Variants in ERCC5 observed in about 807,000 individuals in gnomAD.
ERCC5 encodes the protein DNA excision repair protein ERCC-5.
ERCC5 carries 68 observed loss-of-function variants against 105.6 expected under a neutral mutation model. That is an observed-to-expected ratio of 0.64 (90% CI 0.53 to 0.79). The LOEUF is 0.79. Among genes scored for constraint, ERCC5 ranks in the 30% least tolerant of loss-of-function variants. ERCC5 has a pLI of 0.00. For synonymous variants in ERCC5, 546 were observed against 526.2 expected, an observed-to-expected ratio of 1.04 and a Z score of -0.51; for missense variants, 1,373 against 1,426.7, an observed-to-expected ratio of 0.96 and a Z score of 0.61.
rs1405709684 is a variant in ERCC5, at chr13:102,846,136, G to A, written c.-131G>A. The A allele has an allele frequency of 4.2e-6, 3 of 712,468 alleles. No homozygotes were observed. Among genetic ancestry groups the A allele is most frequent in the African/African-American group, 1.8e-5 (1 of 56,324 alleles). The allele number at this position is 712,468 out of a possible 1,614,324, so 44.1% of individuals were successfully genotyped here. ...CCCCCACTGGAAAACCGTGGCTTCTGTATTATTTGCCATCTTTGTTGTGTA... is the reference window on the plus strand; with the variant it reads ...CCCCCACTGGAAAACCGTGGCTTCTATATTATTTGCCATCTTTGTTGTGTA... On this transcript the variant is annotated 5_prime_UTR_variant, in exon 1 of 15. Coordinates refer to ENST00000652225, the MANE Select transcript of ERCC5 (RefSeq NM_000123.4).
intron 14 of ERCC5, chr13:102,874,600 C>T (rs1015612013): frequency 1.3e-5 from 2 of 152,290 alleles, no homozygotes; most frequent in Admixed American, 6.5e-5. Context: ...CGGCTCACTG[C>T]AAGCTCCGCC....
chr13:102,859,775 G>A (rs974372263), intron 6 of ERCC5, among the ~76,000 whole-genome samples: 1 of 152,176 alleles, frequency 6.6e-6, no homozygotes, highest in African/African-American at 2.4e-5. Flanking sequence ...TCGTGCAAAT[G>A]TAATATTGAT....
In ERCC5 at chr13:102,861,701, C is replaced by T; in HGVS notation, c.867C>T (p.Tyr289=). The T allele has an allele frequency of 6.2e-7, 1 of 1,614,112 alleles. No homozygotes were observed. ...TGGTCTCTGAAGACACTTCACATTA[C>T]ATCTTGATAAAAGGTATCAGGCACC... ...RRVVSEDTSH[Y]ILIKGIQAKT... The change falls in exon 7 of 15, where the codon TAC becomes TAT. Residue 289 remains tyrosine (Y), a synonymous_variant. Coordinates refer to ENST00000652225, the MANE Select transcript of ERCC5 (RefSeq NM_000123.4).
chr13:102,853,728 G>A (rs1327864697), intron 2 of ERCC5, 29 bp from the exon 3 acceptor site: 1 of 1,604,154 alleles, frequency 6.2e-7, no homozygotes, highest in Non-Finnish European at 8.5e-7. Context: ...ATATCCTGAA[G>A]TGAGATCTTA....
chr13:102,855,962 C>A, intron 4 of ERCC5, 90 bp from the exon 5 acceptor site: 1 of 1,295,078 alleles, frequency 7.7e-7, no homozygotes, highest in Non-Finnish European at 1.1e-6. Context: ...ACCACTGTAG[C>A]CCGTATAACG....
At chr13:102,863,839 G>A (rs1282833438) in intron 8 of ERCC5, among the ~76,000 whole-genome samples, 1 of 152,112 alleles carries the variant, frequency 6.6e-6, no homozygotes, top group Non-Finnish European at 1.5e-5. Context: ...AGGCCAGTTG[G>A]ACCAGATTTG....
At chr13:102,846,411 G>T (rs1881963241) in intron 1 of ERCC5, 57 bp downstream of exon 1, 1 of 1,472,872 alleles carries the variant, frequency 6.8e-7, no homozygotes, top group Admixed American at 1.7e-5. Flanking sequence ...TGGATTCCTC[G>T]CGGGGCTCTG....
In ERCC5 at chr13:102,858,308, A is replaced by G; in HGVS notation, c.562A>G (p.Ile188Val). ...CTTTCATAATCCTCAAGCGATAGAT[A>G]TTGAGTCTGAGGACTTCAGCAGCCT... ...EFFHNPQAID[I>V]ESEDFSSLPP... The change falls in exon 6 of 15, where the codon ATT becomes GTT. Residue 188 changes from isoleucine to valine, a missense_variant. Around this residue, in one of 3 missense-constraint regions of ERCC5, gnomAD observed 1,004 missense variants for 1,059.7 expected, o/e 0.95. Transcript: ENST00000652225. 2 of 1,614,182 alleles carry G rather than the reference A, an allele frequency of 1.2e-6. No homozygotes were observed. The highest frequency in any genetic ancestry group is 2.2e-5 in the East Asian group (1 of 44,864).
In ERCC5 at chr13:102,875,972, A is replaced by G; in HGVS notation, c.*69A>G. ...GTAATGAATTTGTCGCAAAGACGTA[A>G]TAAAATTAACTGGTGGCACGGTCTT... On this transcript the variant is annotated 3_prime_UTR_variant, in exon 15 of 15. Coordinates refer to ENST00000652225, the MANE Select transcript of ERCC5 (RefSeq NM_000123.4). 6.4e-7 allele frequency: 1 copy of G among 1,573,152 alleles called. No homozygotes were observed. Among genetic ancestry groups the G allele is most frequent in the Non-Finnish European group, 8.6e-7 (1 of 1,161,544 alleles).
rs4150321 is a variant in ERCC5 at position 102,863,211 on chromosome 13, C to T, written c.1954+108C>T. On this transcript the variant is annotated intron_variant, in intron 8 of 14. Transcript: ENST00000652225. ...GTTTTAACTTTTTACAGATAAGGAA[C>T]GAGAGACGTAGAAAGAAAGATGAAA... is the stretch of plus-strand genomic sequence containing the variant. 52,586 of 1,242,686 alleles carry T rather than the reference C, an allele frequency of 0.042. 1,203 individuals carry two copies. Among genetic ancestry groups the T allele is most frequent in the Middle Eastern group, 0.074 (388 of 5,266 alleles). 77.0% of individuals were successfully genotyped at this position (1,242,686 alleles called of 1,614,324 possible).
chr13:102,853,932 G>T, intron 3 of ERCC5, 60 bp downstream of exon 3: 1 of 1,467,872 alleles, frequency 6.8e-7, no homozygotes, highest in South Asian at 1.2e-5. Context: ...TTTTTGTCTT[G>T]ATTTCCTGCG....
rs201206202 is a variant in ERCC5, at chr13:102,866,357, C to G, written c.2295C>G (p.Thr765=). Reference sequence around the variant, plus strand: ...AAGAACGGATCGCTGCTACTGTCACCGGACAGATGTTCCTGGAAAGCCAGG... The same window carrying G: ...AAGAACGGATCGCTGCTACTGTCACGGGACAGATGTTCCTGGAAAGCCAGG... ...QQQERIAATV[T]GQMFLESQEL... Residue 765 remains threonine, a synonymous_variant, in exon 10 of 15, where the codon ACC becomes ACG. Transcript: ENST00000652225. 1 of 1,614,150 alleles carries G rather than the reference C, an allele frequency of 6.2e-7. No individual in the cohort carries two copies. Among genetic ancestry groups the G allele is most frequent in the Non-Finnish European group, 8.5e-7 (1 of 1,179,994 alleles).
intron 13 of ERCC5, among the ~76,000 whole-genome samples, chr13:102,872,774 C>A (rs4150361): frequency 0.024 from 3,647 of 152,256 alleles, 150 homozygotes; most frequent in African/African-American, 0.083. Context: ...CAGTGATAAG[C>A]ATTCATAGAT....
In ERCC5 at chr13:102,875,835, G is replaced by A. The variant is rs781355194; in HGVS notation, c.3493G>A (p.Ala1165Thr). The A allele has an allele frequency of 2.9e-5, 46 of 1,613,016 alleles. No homozygotes were observed. The Admixed American group carries it at 5.3e-4, about 19-fold the overall frequency. The change falls in exon 15 of 15, where the codon GCC (alanine) becomes ACC (threonine). Residue 1165 changes from alanine to threonine, a missense_variant. This residue lies in a region of ERCC5 where 367 missense variants were observed against 350.2 expected (regional missense o/e 1.05). Coordinates refer to ENST00000652225, the MANE Select transcript of ERCC5 (RefSeq NM_000123.4). ...GGKEKMVLVTARSVFGKKRRK... is the reference protein window; with the variant it reads ...GGKEKMVLVTTRSVFGKKRRK... ...GAAAGAGAAGATGGTCCTCGTGACC[G>A]CCAGATCTGTGTTTGGGAAGAAAAG...
chr13:102,854,607 C>T (rs1271570540), intron 4 of ERCC5, among the ~76,000 whole-genome samples: 1 of 152,168 alleles, frequency 6.6e-6, no homozygotes, highest in Non-Finnish European at 1.5e-5. Flanking sequence ...GAACTTCTGC[C>T]AGGGCTGTGG....
At chr13:102,848,117 T>C (rs1333830843) in intron 1 of ERCC5, among the ~76,000 whole-genome samples, 2 of 152,224 alleles carry the variant, frequency 1.3e-5, no homozygotes, top group African/African-American at 2.4e-5. Flanking sequence ...CGTGTTCATG[T>C]CTGTCTCTGA....
chr13:102,875,346 C>G lies in ERCC5; in HGVS notation c.3004C>G (p.Gln1002Glu). The G allele has an allele frequency of 1.9e-6, 3 of 1,613,808 alleles. No homozygotes were observed. Among genetic ancestry groups the G allele is most frequent in the Non-Finnish European group, 2.5e-6 (3 of 1,179,998 alleles). The change falls in exon 15 of 15, where the codon CAG becomes GAG. Residue 1002 changes from glutamine to glutamate, a missense_variant. This residue lies in a region of ERCC5 where 367 missense variants were observed against 350.2 expected (regional missense o/e 1.05). Coordinates refer to ENST00000652225, the MANE Select transcript of ERCC5 (RefSeq NM_000123.4). ...RIDSFFRLAQ[Q>E]EKEDAKRIKS... is the part of the protein sequence containing the mutation. ...TGATTCCTTCTTTAGATTAGCACAA[C>G]AGGAGAAAGAAGATGCTAAACGTAT...
chr13:102,855,992 G>T (rs1882402148), intron 4 of ERCC5, 60 bp from the exon 5 acceptor site: 1 of 1,542,224 alleles, frequency 6.5e-7, no homozygotes. Flanking sequence ...TTGCATACAA[G>T]TATTTTTGTA....
At chr13:102,863,395 A>G (rs181334477) in intron 8 of ERCC5, among the ~76,000 whole-genome samples, 3 of 152,310 alleles carry the variant, frequency 2.0e-5, no homozygotes, top group Non-Finnish European at 4.4e-5. Flanking sequence ...TGAAATAATT[A>G]TGAACTTTAA....
Sources: allele counts gnomAD v4.1 joint callset (sites outside exome capture counted in the v4.1 genomes callset), GRCh38; gene constraint gnomAD v4.1.1; regional missense constraint gnomAD v4.1.1; transcripts MANE v1.5; gene names NCBI Gene and HGNC (gene_info 2026-07-23, HGNC 2026-07-21).